Variants in NLRP4 observed in about 807,000 individuals in gnomAD.
NLRP4 encodes the protein NLR family pyrin domain containing 4.
A neutral mutation model predicts 84.7 loss-of-function variants in NLRP4; 44 were observed. The observed-to-expected ratio is 0.52, with a 90% CI of 0.41 to 0.67. The LOEUF (loss-of-function observed/expected upper bound fraction) is 0.67. Ranked by LOEUF, NLRP4 falls within the 30% of genes least tolerant of loss-of-function variation. The probability of loss-of-function intolerance (pLI) is 0.00; values close to 1 mark genes in which losing one functional copy is unlikely to be tolerated. For synonymous variants in NLRP4, 544 were observed against 476.4 expected (o/e 1.14, Z -1.85); for missense variants, 1,260 against 1,219.4 (o/e 1.03, Z -0.50).
chr19:55,864,523 A>G (rs144689286), intron 5 of NLRP4, among the ~76,000 whole-genome samples: 78 of 152,312 alleles, frequency 5.1e-4, no homozygotes, highest in African/African-American at 1.5e-3. Context: ...ATAGTGCTCT[A>G]TGAACACTCA....
Position 55,870,933 on chromosome 19 carries a change from G to A in NLRP4, c.2461G>A (p.Asp821Asn), listed in dbSNP as rs1985155887. ...AGACCTCAGTGCCAATGTCCTGAAG[G>A]ACGAAGGACTGAAAACTCTCTGCGA... ...YLDLSANVLKDEGLKTLCEAL... is the reference protein window; with the variant it reads ...YLDLSANVLKNEGLKTLCEAL... The change falls in exon 7 of 10, where the codon GAC (aspartate) becomes AAC (asparagine). Residue 821 changes from aspartate (D) to asparagine (N), a missense_variant. By Grantham distance (23) the Asp-to-Asn change is conservative. Around this residue, in one of 3 missense-constraint regions of NLRP4, gnomAD observed 544 missense variants for 531.7 expected, o/e 1.02. Transcript: ENST00000301295. 1.9e-6 allele frequency: 3 copies of A among 1,614,030 alleles called. No individual in the cohort carries two copies. The highest frequency in any genetic ancestry group is 8.5e-7 in the Non-Finnish European group (1 of 1,179,986).
rs370656923 is a variant in NLRP4, at chr19:55,857,792, C to A, written c.399C>A (p.Asp133Glu). The A allele has an allele frequency of 2.5e-6, 4 of 1,614,012 alleles. No individual in the cohort carries two copies. In the East Asian group the frequency reaches 8.9e-5, roughly 36 times the overall value. ...AGGAAGTCAAGCAAGAAGAATGTGA[C>A]CATTTGGACCGCCTTTTTGCTCCCA... ...FEEEVKQEEC[D>E]HLDRLFAPKE... is the part of the protein sequence containing the mutation. Residue 133 changes from aspartate to glutamate, a missense_variant, in exon 3 of 10, where the codon GAC becomes GAA. Asp to Glu is a conservative substitution (Grantham distance 45). Transcript: ENST00000301295.
chr19:55,845,486 T>G (rs912026874), intron 1 of NLRP4, among the ~76,000 whole-genome samples: 3 of 152,072 alleles, frequency 2.0e-5, no homozygotes, highest in African/African-American at 7.2e-5. Context: ...GCAATAAACA[T>G]ACGTGTGCAT....
chr19:55,845,556 T>C lies in NLRP4; in HGVS notation c.-65-6460T>C, dbSNP rs562349455. 7.0e-4 allele frequency among the ~76,000 whole-genome samples: 106 copies of C among 152,240 alleles called. 1 individual carries two copies. Among genetic ancestry groups the C allele is most frequent in the African/African-American group, 2.4e-3 (100 of 41,524 alleles). On this transcript the variant is annotated intron_variant, in intron 1 of 9. Coordinates refer to ENST00000301295, the MANE Select transcript of NLRP4 (RefSeq NM_134444.5). ...GGTATATACCTAATAATGGGATGGC[T>C]GGGTCAAATGGTATTTCTAGTTCTA... is the stretch of plus-strand genomic sequence containing the variant.
rs755304233 is a variant in NLRP4 at position 55,858,711 on chromosome 19, A to G, written c.1318A>G (p.Lys440Glu). The G allele has an allele frequency of 6.2e-7, 1 of 1,614,086 alleles. No homozygotes were observed. Among genetic ancestry groups the G allele is most frequent in the South Asian group, 1.1e-5 (1 of 91,068 alleles). ...GCTGCTGGGCACCAAGATACTTCTG[A>G]AGTACGGGGAGCGTGAGAGCTCCTA... The part of the protein sequence containing the change: ...PALLGTKILL[K>E]YGERESSYVF... The change falls in exon 3 of 10, where the codon AAG (lysine) becomes GAG (glutamate). Residue 440 changes from lysine to glutamate, a missense_variant. This residue lies in a region of NLRP4 where 712 missense variants were observed against 669.2 expected (regional missense o/e 1.06). Coordinates refer to ENST00000301295, the MANE Select transcript of NLRP4 (RefSeq NM_134444.5). The surrounding 1 kb of genome is among the most constrained non-coding windows in gnomAD (Gnocchi z 4.2).
At chr19:55,871,092 G>T (rs973123277) in intron 7 of NLRP4, 95 bp downstream of exon 7, 2 of 1,061,594 alleles carry the variant, frequency 1.9e-6, no homozygotes, top group Non-Finnish European at 2.8e-6. Context: ...AGGCTGTAGT[G>T]TCTGTGCCTG....
chr19:55,847,194 A>G (rs1983831629), intron 1 of NLRP4, among the ~76,000 whole-genome samples: 2 of 152,202 alleles, frequency 1.3e-5, no homozygotes, highest in African/African-American at 2.4e-5. Flanking sequence ...CCACCCATGA[A>G]TAAAACAGCT....
intron 9 of NLRP4, 81 bp downstream of exon 9, chr19:55,879,045 G>A (rs990477947): frequency 2.1e-5 from 23 of 1,106,572 alleles, no homozygotes; most frequent in South Asian, 6.2e-5. Flanking sequence ...GTGTAATCAC[G>A]TTGCATTTAA....
rs189549314 is a variant in NLRP4, at chr19:55,879,085, T to C, written c.2867+121T>C. On this transcript the variant is annotated intron_variant, in intron 9 of 9. Coordinates refer to ENST00000301295, the MANE Select transcript of NLRP4 (RefSeq NM_134444.5). ...CAAATGATGTTCCTTGTCTCAGGGT[T>C]GTTGCAGGAGTAAGAACCAAGCAGG... The C allele has an allele frequency of 1.9e-3, 1,496 of 776,746 alleles. 3 individuals are homozygous for C. Among genetic ancestry groups the C allele is most frequent in the South Asian group, 3.7e-3 (194 of 52,764 alleles). The allele number at this position is 776,746 out of a possible 1,614,324, so 48.1% of individuals were successfully genotyped here.
chr19:55,842,710 C>T (rs776085238), intron 1 of NLRP4, among the ~76,000 whole-genome samples: 4 of 151,984 alleles, frequency 2.6e-5, no homozygotes, highest in Non-Finnish European at 4.4e-5. Context: ...TGTAAGTCTT[C>T]TGTTGGAAAA....
chr19:55,854,161 A>G lies in NLRP4; in HGVS notation c.280+1801A>G, dbSNP rs145555004. Among the ~76,000 whole-genome samples, 1,120 of 151,850 alleles carry G rather than the reference A, an allele frequency of 7.4e-3. 15 individuals are homozygous for G. Among genetic ancestry groups the G allele is most frequent in the African/African-American group, 0.026 (1,086 of 41,402 alleles). On this transcript the variant is annotated intron_variant, in intron 2 of 9. Coordinates refer to ENST00000301295, the MANE Select transcript of NLRP4 (RefSeq NM_134444.5). ...ATTTTTTTGTATTTTTAGTAGAAAC[A>G]GGGTTTCCCCATGTTGGCCAGGCTG...
At chr19:55,845,870 G>GATT in intron 1 of NLRP4, among the ~76,000 whole-genome samples, 2 of 118,834 alleles carry the variant, frequency 1.7e-5, no homozygotes, top group African/African-American at 1.2e-4. Context: ...TTTTTGATGG[G>GATT]GTTGTTTTTT....
chr19:55,842,070 C>T (rs1983633559), intron 1 of NLRP4, among the ~76,000 whole-genome samples: 1 of 152,140 alleles, frequency 6.6e-6, no homozygotes, highest in Non-Finnish European at 1.5e-5. Flanking sequence ...TAAGAGTTGC[C>T]TTTTCTCTGC....
At chr19:55,874,632 A>G (rs1985304850) in intron 7 of NLRP4, among the ~76,000 whole-genome samples, 1 of 152,194 alleles carries the variant, frequency 6.6e-6, no homozygotes, top group South Asian at 2.1e-4. Flanking sequence ...AGAAAATTCC[A>G]GGCTTAGAAG....
intron 1 of NLRP4, among the ~76,000 whole-genome samples, chr19:55,846,555 CATT>C (rs1983802540): frequency 6.6e-6 from 1 of 152,128 alleles, no homozygotes; most frequent in Non-Finnish European, 1.5e-5. Context: ...AATTAACTGA[CATT>C]ATATATAACT....
chr19:55,870,951 C>G lies in NLRP4; in HGVS notation c.2479C>G (p.Leu827Val). The change falls in exon 7 of 10, where the codon CTC (leucine) becomes GTC (valine). Residue 827 changes from leucine to valine, a missense_variant. This residue lies in a region of NLRP4 where 544 missense variants were observed against 531.7 expected (regional missense o/e 1.02). Coordinates refer to ENST00000301295, the MANE Select transcript of NLRP4 (RefSeq NM_134444.5). Reference sequence around the variant, plus strand: ...CCTGAAGGACGAAGGACTGAAAACTCTCTGCGAGGCCTTGAAACATCCGGA... The same window carrying G: ...CCTGAAGGACGAAGGACTGAAAACTGTCTGCGAGGCCTTGAAACATCCGGA... The part of the protein sequence containing the change: ...NVLKDEGLKT[L>V]CEALKHPDCC... 6.2e-7 allele frequency: 1 copy of G among 1,614,194 alleles called. No homozygotes were observed. The highest frequency in any genetic ancestry group is 1.3e-5 in the African/African-American group (1 of 75,054).
In NLRP4 at chr19:55,858,662, G is replaced by T. The variant is rs999433011; in HGVS notation, c.1269G>T (p.Gly423=). ...GTGAAGACGACCTCCGGAGAAATGG[G>T]GTTGTTGACGCTGACATCCCTGCGC... The part of the protein sequence containing the change: ...EFCEDDLRRN[G]VVDADIPALL... The change falls in exon 3 of 10, where the codon GGG becomes GGT. Residue 423 remains glycine, a synonymous_variant. Coordinates refer to ENST00000301295, the MANE Select transcript of NLRP4 (RefSeq NM_134444.5). The surrounding 1 kb of genome is among the most constrained non-coding windows in gnomAD (Gnocchi z 4.2). 2.5e-6 allele frequency: 4 copies of T among 1,614,072 alleles called. No homozygotes were observed. The African/African-American group carries it at 5.3e-5, about 22-fold the overall frequency.
intron 2 of NLRP4, among the ~76,000 whole-genome samples, chr19:55,854,723 A>G (rs928285476): frequency 9.9e-5 from 15 of 150,954 alleles, no homozygotes; most frequent in African/African-American, 3.4e-4. Flanking sequence ...TCCCAGTCCA[A>G]TTTTTTTTTC....
In NLRP4 at chr19:55,838,714, T is replaced by C. The variant is rs143552168; in HGVS notation, c.-66+1780T>C. On this transcript the variant is annotated intron_variant, in intron 1 of 9. Coordinates refer to ENST00000301295, the MANE Select transcript of NLRP4 (RefSeq NM_134444.5). ...ACTCTTATATAAGTATTTTTCCTGA[T>C]CTGTTCAAGATTTGTACACATTGTA... Among the ~76,000 whole-genome samples, 985 of 152,292 alleles carry C rather than the reference T, an allele frequency of 6.5e-3. 13 individuals carry two copies. The highest frequency in any genetic ancestry group is 0.022 in the African/African-American group (900 of 41,552).
Sources: gnomAD v4.1 joint callset for allele counts (sites outside exome capture counted in the v4.1 genomes callset) on GRCh38, gnomAD v4.1.1 for gene constraint, gnomAD v4.1.1 regional missense constraint, Gnocchi (gnomAD v3.1) non-coding constraint, MANE v1.5 for transcripts, NCBI Gene and HGNC (gene_info 2026-07-23, HGNC 2026-07-21) for gene names.